The following POLI variants were observed in gnomAD, a reference collection of about 807,000 sequenced individuals.
POLI encodes the protein DNA polymerase iota.
In POLI, 58 loss-of-function variants were observed where a neutral mutation model predicts 51.6. The ratio of observed to expected loss-of-function variants is 1.12; its 90% CI spans 0.91 to 1.40. The LOEUF (loss-of-function observed/expected upper bound fraction) is 1.40, where lower values mean the gene tolerates loss of function less well. Ranked by LOEUF, POLI falls within the 40% of genes most tolerant of loss-of-function variation. The probability of loss-of-function intolerance (pLI) is 0.00; values close to 1 mark genes in which losing one functional copy is unlikely to be tolerated. For synonymous variants in POLI, 322 were observed against 299.7 expected, an observed-to-expected ratio of 1.07 and a Z score of -0.77; for missense variants, 921 against 871.3, an observed-to-expected ratio of 1.06 and a Z score of -0.72.
At chr18:54,278,835 C>A (rs1390951438) in intron 4 of POLI, among the ~76,000 whole-genome samples, 2 of 152,196 alleles carry the variant, frequency 1.3e-5, no homozygotes, top group Non-Finnish European at 1.5e-5. Flanking sequence ...TTGTGTAAGA[C>A]TTGTCTGACC....
chr18:54,318,220 C>T (rs2088758140), intron 3 of POLI, among the ~76,000 whole-genome samples: 1 of 151,902 alleles, frequency 6.6e-6, no homozygotes, highest in Non-Finnish European at 1.5e-5. Context: ...GTAGTTTATT[C>T]TAAGATAGTA....
intron 8 of POLI, among the ~76,000 whole-genome samples, chr18:54,289,595 A>G (rs1243093731): frequency 6.7e-6 from 1 of 149,932 alleles, no homozygotes; most frequent in Non-Finnish European, 1.5e-5. Context: ...AGGCTACAGT[A>G]ACCAAAACAG....
At chr18:54,271,522 G>GATT (rs2144430459) in intron 2 of POLI, 37 bp downstream of exon 2, 1 of 1,365,056 alleles carries the variant, frequency 7.3e-7, no homozygotes, top group East Asian at 2.5e-5. Context: ...ATTGCATAAT[G>GATT]ATTAGATTAG....
intron 3 of POLI, among the ~76,000 whole-genome samples, chr18:54,316,929 G>A (rs1316299133): frequency 6.6e-6 from 1 of 152,100 alleles, no homozygotes; most frequent in Non-Finnish European, 1.5e-5. Context: ...GGAAGTTAAA[G>A]GTAATATATA....
At chr18:54,313,080 T>C (rs961711005) in intron 3 of POLI, among the ~76,000 whole-genome samples, 8 of 152,230 alleles carry the variant, frequency 5.3e-5, no homozygotes, top group Non-Finnish European at 2.9e-5. Context: ...ATTTTGTAGT[T>C]TGATGGCTTA....
chr18:54,282,717 G>A, intron 5 of POLI, 120 bp from the exon 6 acceptor site: 1 of 608,232 alleles, frequency 1.6e-6, no homozygotes, highest in Non-Finnish European at 2.8e-6. Context: ...GTGGATAAGG[G>A]GGGACTACTG....
downstream of POLI, among the ~76,000 whole-genome samples, chr18:54,301,592 G>A (rs889421427): frequency 6.6e-6 from 1 of 152,114 alleles, no homozygotes; most frequent in East Asian, 1.9e-4. Context: ...GAGTTCATAT[G>A]CATATAATAA....
In POLI at chr18:54,295,802, A is replaced by G. The variant is rs1040617532; in HGVS notation, c.*1335A>G. On this transcript the variant is annotated 3_prime_UTR_variant, in exon 10 of 10. Coordinates refer to ENST00000579534, the MANE Select transcript of POLI (RefSeq NM_007195.3). The stretch of plus-strand genomic sequence containing the variant: ...CCTACCACACCCAGCAAATTTTTGT[A>G]TTTTTAGTAGAGATGACATTTCACC... 2.4e-5 allele frequency: 6 copies of G among 254,366 alleles called. No homozygotes were observed. The highest frequency in any genetic ancestry group is 1.4e-4 in the African/African-American group (6 of 43,238). The allele number at this position is 254,366 out of a possible 1,614,324, so 15.8% of individuals were successfully genotyped here. A position where few individuals can be genotyped will look rare whatever the true frequency, so the allele number is the denominator to read the frequency against.
exon 4 of POLI, chr18:54,320,273 G>A (rs2088776148): frequency 6.6e-6 from 1 of 151,994 alleles, no homozygotes; most frequent in Non-Finnish European, 1.5e-5. Context: ...CTTCCCACAG[G>A]TCTCCAGTCC....
downstream of POLI, among the ~76,000 whole-genome samples, chr18:54,299,887 GA>G (rs2088462580): frequency 6.6e-6 from 1 of 151,908 alleles, no homozygotes; most frequent in Non-Finnish European, 1.5e-5. Flanking sequence ...TACTATTGCA[GA>G]AAAACAAGCA....
intron 3 of POLI, chr18:54,275,124 T>C (rs1028995458): frequency 1.3e-5 from 2 of 152,256 alleles, no homozygotes; most frequent in African/African-American, 4.8e-5. Flanking sequence ...ATGAATGTTC[T>C]TCAATCCAGT....
chr18:54,299,027 A>G (rs955416800), downstream of POLI, among the ~76,000 whole-genome samples: 4 of 152,214 alleles, frequency 2.6e-5, no homozygotes, highest in Non-Finnish European at 4.4e-5. Context: ...TCATGAGTGA[A>G]ATACATTTAA....
chr18:54,319,835 AGTT>A (rs2088773132), intron 3 of POLI, among the ~76,000 whole-genome samples: 1 of 152,180 alleles, frequency 6.6e-6, no homozygotes, highest in Non-Finnish European at 1.5e-5. Context: ...ATAGGAGACA[AGTT>A]AATTAAATAT....
intron 3 of POLI, among the ~76,000 whole-genome samples, chr18:54,314,289 T>A (rs1446924277): frequency 6.6e-6 from 1 of 152,148 alleles, no homozygotes; most frequent in Non-Finnish European, 1.5e-5. Flanking sequence ...GATTTGTATA[T>A]GTTGAACCAA....
intron 3 of POLI, among the ~76,000 whole-genome samples, chr18:54,308,577 G>A (rs888208614): frequency 6.8e-5 from 6 of 88,784 alleles, no homozygotes; most frequent in South Asian, 4.1e-4. Flanking sequence ...TGCTCTTCTC[G>A]AGGAGTATCT....
At chr18:54,320,335 G>A (rs2088776679) in exon 4 of POLI, 1 of 152,148 alleles carries the variant, frequency 6.6e-6, no homozygotes, top group Non-Finnish European at 1.5e-5. Context: ...AGACAAACTT[G>A]TGAAGCTAGA....
chr18:54,277,663 A>C (rs1391611581), intron 3 of POLI, 40 bp from the exon 4 acceptor site: 1 of 1,357,346 alleles, frequency 7.4e-7, no homozygotes, highest in Non-Finnish European at 1.0e-6. Flanking sequence ...CCTAGTTATA[A>C]CTTCATTTAC....
intron 8 of POLI, among the ~76,000 whole-genome samples, chr18:54,290,209 C>T (rs1317357081): frequency 6.6e-6 from 1 of 152,032 alleles, no homozygotes; most frequent in Non-Finnish European, 1.5e-5. Flanking sequence ...ATTTATGCTG[C>T]CAACAGACAT....
intron 1 of POLI, 142 bp downstream of exon 1, chr18:54,269,803 G>GC (rs1555670138): frequency 7.3e-7 from 1 of 1,370,248 alleles, no homozygotes; most frequent in Non-Finnish European, 9.3e-7. Flanking sequence ...GCCTCCCTCT[G>GC]CCTTGTGTTA....
Sources: allele counts gnomAD v4.1 joint callset (sites outside exome capture counted in the v4.1 genomes callset), GRCh38; gene constraint gnomAD v4.1.1; transcripts MANE v1.5; gene names NCBI Gene and HGNC (gene_info 2026-07-23, HGNC 2026-07-21).